TMEM245: variants seen among roughly 807,000 people sequenced by gnomAD.
TMEM245 encodes transmembrane protein 245, also known as protein CG-2.
In TMEM245, 69 loss-of-function variants were observed where a neutral mutation model predicts 101.2. That is an observed-to-expected ratio of 0.68 (90% confidence interval 0.56 to 0.83). TMEM245 has a LOEUF of 0.83. Among genes scored for constraint, TMEM245 ranks in the 40% least tolerant of loss-of-function variants. TMEM245 has a pLI of 0.00. For synonymous variants in TMEM245, 537 were observed against 449.8 expected (o/e 1.19, Z -2.45); for missense variants, 1,075 against 1,092.8 (o/e 0.98, Z 0.23).
intron 3 of TMEM245, among the ~76,000 whole-genome samples, chr9:109,101,395 T>C (rs1052180851): frequency 3.3e-4 from 51 of 152,252 alleles, no homozygotes; most frequent in African/African-American, 9.6e-4. Flanking sequence ...TACCTACCTA[T>C]ATTACAGTGA....
Position 109,082,045 on chromosome 9 carries a change from T to C in TMEM245, c.1345-1102A>G, listed in dbSNP as rs576100432. Among the ~76,000 whole-genome samples, 10 of 152,294 alleles carry C rather than the reference T, an allele frequency of 6.6e-5. No homozygotes were observed. In the South Asian group the frequency reaches 2.1e-3, roughly 32 times the overall value. ...CAAGGTGAGCAACAGCATTGCTAAA[T>C]AAGTTATTCTTAATTTAGATCTGAT... is the stretch of plus-strand genomic sequence containing the variant. On this transcript the variant is annotated intron_variant, in intron 7 of 17. Transcript: ENST00000374586.
intron 3 of TMEM245, among the ~76,000 whole-genome samples, chr9:109,104,776 T>G (rs141155643): frequency 1.0e-3 from 159 of 152,302 alleles, no homozygotes; most frequent in African/African-American, 3.8e-3. Flanking sequence ...GCCAAGGCCA[T>G]CTTCAACAGT....
chr9:109,080,960 A>G lies in TMEM245; in HGVS notation c.1345-17T>C, dbSNP rs1829651304. ...GATGATCATCTGCACAAAAACGAAA[A>G]AGAGAATTACTTATCTTTAAAGTAG... On this transcript the variant is annotated splice_polypyrimidine_tract_variant and intron_variant, in intron 7 of 17. Transcript: ENST00000374586. 6.8e-7 allele frequency: 1 copy of G among 1,462,930 alleles called. No homozygotes were observed. The highest frequency in any genetic ancestry group is 1.4e-5 in the African/African-American group (1 of 71,268). 90.6% of individuals were successfully genotyped at this position (1,462,930 alleles called of 1,614,324 possible).
intron 8 of TMEM245, among the ~76,000 whole-genome samples, chr9:109,078,668 TTTC>T (rs1346299695): frequency 1.3e-5 from 2 of 152,216 alleles, no homozygotes; most frequent in African/African-American, 2.4e-5. Context: ...CCTTCCAGAT[TTTC>T]TTTTTATCTT....
rs763611243 is a variant in TMEM245, at chr9:109,119,878, G to A, written c.36C>T (p.Ser12=). The A allele has an allele frequency of 2.3e-6, 3 of 1,302,938 alleles. No homozygotes were observed. Among genetic ancestry groups the A allele is most frequent in the Non-Finnish European group, 9.7e-7 (1 of 1,034,190 alleles). The allele number at this position is 1,302,938 out of a possible 1,614,324, so 80.7% of individuals were successfully genotyped here. The part of the protein sequence containing the change: ...ADGGGPKDAP[S]LRSSPGPAPR... ...GCGCCGGCCCGGGAGAGCTCCGCAG[G>A]CTTGGCGCGTCCTTAGGGCCGCCGC... is the stretch of plus-strand genomic sequence containing the variant. The change falls in exon 1 of 18, where the codon AGC becomes AGT. Residue 12 remains serine (S), a synonymous_variant. Coordinates refer to ENST00000374586, the MANE Select transcript of TMEM245 (RefSeq NM_032012.4).
intron 5 of TMEM245, among the ~76,000 whole-genome samples, chr9:109,090,396 T>C (rs1051553549): frequency 1.8e-4 from 27 of 151,998 alleles, no homozygotes; most frequent in Non-Finnish European, 1.6e-4. Flanking sequence ...CTACATGAAA[T>C]TGTAAGAAGC....
At chr9:109,076,702 T>C (rs1829520683) in intron 8 of TMEM245, among the ~76,000 whole-genome samples, 1 of 152,184 alleles carries the variant, frequency 6.6e-6, no homozygotes, top group Admixed American at 6.5e-5. Flanking sequence ...AATGCTTTTT[T>C]TGTTTGAGAC....
rs781030093 is a variant in TMEM245, at chr9:109,038,011, T to C, written c.2224+6A>G. 2.5e-6 allele frequency: 4 copies of C among 1,599,908 alleles called. No homozygotes were observed. The highest frequency in any genetic ancestry group is 3.4e-6 in the Non-Finnish European group (4 of 1,170,962). On this transcript the variant is annotated splice_donor_region_variant and intron_variant, in intron 15 of 17. Transcript: ENST00000374586. ...CGAATAGTGGAAGGTACAATATGGT[T>C]GTTACCTGATGGTATGAAGACAATA...
At chr9:109,024,350 C>A (rs1308742404) in intron 17 of TMEM245, among the ~76,000 whole-genome samples, 1 of 152,198 alleles carries the variant, frequency 6.6e-6, no homozygotes, top group African/African-American at 2.4e-5. Flanking sequence ...TTTTATCAGC[C>A]TCAAGGTTGT....
Position 109,106,524 on chromosome 9 carries a change from A to G in TMEM245, c.783T>C (p.Asn261=). Residue 261 remains asparagine, a synonymous_variant, in exon 3 of 18, where the codon AAT becomes AAC. Coordinates refer to ENST00000374586, the MANE Select transcript of TMEM245 (RefSeq NM_032012.4). ...MSVGTLYEKQ[N]GKESSGAELP... ...ATTTCTTACCAGAAGACTCTTTTCC[A>G]TTCTGTTTTTCATAGAGGGTACCCA... 6.2e-7 allele frequency: 1 copy of G among 1,609,764 alleles called. No individual in the cohort carries two copies. Among genetic ancestry groups the G allele is most frequent in the East Asian group, 2.2e-5 (1 of 44,806 alleles).
chr9:109,079,526 T>C (rs1829609016), intron 8 of TMEM245, among the ~76,000 whole-genome samples: 1 of 152,116 alleles, frequency 6.6e-6, no homozygotes, highest in Admixed American at 6.6e-5. Context: ...GAATGACAGC[T>C]GTACTGGCCA....
At chr9:109,050,259 G>C (rs1236860419) in intron 14 of TMEM245, 24 bp downstream of exon 14, 2 of 1,609,618 alleles carry the variant, frequency 1.2e-6, no homozygotes, top group African/African-American at 1.3e-5. Flanking sequence ...GGAGAAATAA[G>C]AATAGCATAA....
At chr9:109,058,020 G>A (rs7867242) in intron 11 of TMEM245, among the ~76,000 whole-genome samples, 60,187 of 139,738 alleles carry the variant, frequency 0.43, 13,046 homozygotes, top group African/African-American at 0.47. Flanking sequence ...TTTTTTTTTG[G>A]GACGGGGTCT....
Position 109,016,413 on chromosome 9 carries a change from GGACT to G in TMEM245, c.*4043_*4046del, listed in dbSNP as rs1827440050. The G allele has an allele frequency of 6.6e-6, 1 of 150,920 alleles. No homozygotes were observed. Among genetic ancestry groups the G allele is most frequent in the Non-Finnish European group, 1.5e-5 (1 of 67,730 alleles). The allele number at this position is 150,920 out of a possible 1,614,324, so 9.3% of individuals were successfully genotyped here. A position where few individuals can be genotyped will look rare whatever the true frequency, so the allele number is the denominator to read the frequency against. On this transcript the variant is annotated 3_prime_UTR_variant, in exon 18 of 18. Coordinates refer to ENST00000374586, the MANE Select transcript of TMEM245 (RefSeq NM_032012.4). ...GAAAAGGAAAGAGAAGTAGAACAAC[GGACT>G]GACAGAAAAAAAAGAACTCTATTCT...
At position 109,019,146 on chromosome 9, in the gene TMEM245, A is replaced by G. The variant is rs1427309184; in HGVS notation, c.*1314T>C. 1 of 151,924 alleles carries G rather than the reference A, an allele frequency of 6.6e-6. No homozygotes were observed. The highest frequency in any genetic ancestry group is 2.4e-5 in the African/African-American group (1 of 41,350). The allele number at this position is 151,924 out of a possible 1,614,324, so 9.4% of individuals were successfully genotyped here. On this transcript the variant is annotated 3_prime_UTR_variant, in exon 18 of 18. Coordinates refer to ENST00000374586, the MANE Select transcript of TMEM245 (RefSeq NM_032012.4). ...AGGGTTCAGCTAAGAACTACAGTCC[A>G]CTCTCAGCCCTGTCATGTACTATAG...
Position 109,085,990 on chromosome 9 carries a change from C to A in TMEM245, c.1344+7G>T. 6.2e-7 allele frequency: 1 copy of A among 1,613,966 alleles called. No individual in the cohort carries two copies. Among genetic ancestry groups the A allele is most frequent in the Non-Finnish European group, 8.5e-7 (1 of 1,179,908 alleles). Reference sequence around the variant, plus strand: ...TAGTAAAAACCAACATCTGGGTGTTCATTTACCTTCTTATTTAGCCAGTGC... The same window carrying A: ...TAGTAAAAACCAACATCTGGGTGTTAATTTACCTTCTTATTTAGCCAGTGC... On this transcript the variant is annotated splice_region_variant and intron_variant, in intron 7 of 17. Coordinates refer to ENST00000374586, the MANE Select transcript of TMEM245 (RefSeq NM_032012.4).
intron 7 of TMEM245, among the ~76,000 whole-genome samples, chr9:109,085,473 G>C (rs1419686807): frequency 1.3e-5 from 2 of 152,110 alleles, no homozygotes; most frequent in Non-Finnish European, 2.9e-5. Flanking sequence ...CACAGGTCAT[G>C]ACTACTATCT....
chr9:109,036,404 CAACTT>C lies in TMEM245; in HGVS notation c.2225-29_2225-25del, dbSNP rs761193278. On this transcript the variant is annotated intron_variant, in intron 15 of 17. Transcript: ENST00000374586. ...TGCTGAAAAAAGAGTAAAAGAAAAA[CAACTT>C]AACATCATCAGCAAAACACTAACAA... 2.8e-5 allele frequency: 43 copies of C among 1,555,184 alleles called. No individual in the cohort carries two copies. In the Admixed American group the frequency reaches 4.3e-4, roughly 15 times the overall value.
At chr9:109,085,810 C>T (rs1339138829) in intron 7 of TMEM245, among the ~76,000 whole-genome samples, 187 bp downstream of exon 7, 1 of 152,232 alleles carries the variant, frequency 6.6e-6, no homozygotes, top group African/African-American at 2.4e-5. Context: ...CCTAGACAGC[C>T]TTTGCTGAGT....
Sources: allele counts gnomAD v4.1 joint callset (sites outside exome capture counted in the v4.1 genomes callset), GRCh38; gene constraint gnomAD v4.1.1; transcripts MANE v1.5; gene names NCBI Gene and HGNC (gene_info 2026-07-23, HGNC 2026-07-21).